The following IL1RAPL1 variants were observed in gnomAD, a reference collection of about 807,000 sequenced individuals.
The protein encoded by IL1RAPL1 is interleukin-1 receptor accessory protein-like 1.
In IL1RAPL1, 3 loss-of-function variants were observed where a neutral mutation model predicts 48.4. That is an observed-to-expected ratio of 0.06 (90% confidence interval 0.03 to 0.16). IL1RAPL1 has a LOEUF of 0.16. Ranked by LOEUF, IL1RAPL1 falls within the 10% of genes least tolerant of loss-of-function variation. The pLI is 1.00. For synonymous variants in IL1RAPL1, 185 were observed against 187.7 expected (o/e 0.99, Z 0.12); for missense variants, 349 against 530.6 (o/e 0.66, Z 3.36).
At chrX:29,100,335 G>A (rs1237628521) in intron 2 of IL1RAPL1, among the ~76,000 whole-genome samples, 1 of 112,237 alleles carries the variant, frequency 8.9e-6, no homozygotes, top group East Asian at 2.8e-4. Flanking sequence ...ACTTCACAAT[G>A]TGGACAGGCA....
At chrX:29,461,955 A>G (rs1309380342) in intron 5 of IL1RAPL1, among the ~76,000 whole-genome samples, 1 of 111,795 alleles carries the variant, frequency 8.9e-6, no homozygotes, top group African/African-American at 3.2e-5. Context: ...ACAAGTATAT[A>G]AGTTTACTGA....
intron 6 of IL1RAPL1, among the ~76,000 whole-genome samples, chrX:29,900,539 A>T (rs1569197832): frequency 8.9e-6 from 1 of 112,232 alleles, no homozygotes; most frequent in East Asian, 2.8e-4. Context: ...TATGTGTTTT[A>T]GAACAGATAC....
Position 29,013,817 on chromosome X carries a change from A to G in IL1RAPL1, c.82+224392A>G, listed in dbSNP as rs141023776. On this transcript the variant is annotated intron_variant, in intron 2 of 10. Transcript: ENST00000378993. ...TGTGCAGCAAACCACCATGGCACACAGTTTACCTATGTAACAAACCTGCAC... is the reference window on the plus strand; with the variant it reads ...TGTGCAGCAAACCACCATGGCACACGGTTTACCTATGTAACAAACCTGCAC... 4.3e-3 allele frequency among the ~76,000 whole-genome samples: 477 copies of G among 110,762 alleles called. 3 individuals carry two copies. Among genetic ancestry groups the G allele is most frequent in the African/African-American group, 0.015 (449 of 30,412 alleles).
At chrX:29,137,070 A>G (rs1489562418) in intron 2 of IL1RAPL1, among the ~76,000 whole-genome samples, 1 of 111,015 alleles carries the variant, frequency 9.0e-6, no homozygotes, top group African/African-American at 3.3e-5. Flanking sequence ...CACATTGCCA[A>G]CTACACACAG....
intron 2 of IL1RAPL1, among the ~76,000 whole-genome samples, chrX:28,902,783 G>A (rs1215630379): frequency 9.0e-6 from 1 of 111,585 alleles, no homozygotes; most frequent in Non-Finnish European, 1.9e-5. Flanking sequence ...TGTGCAGTGG[G>A]TGAGTGAGCA....
chrX:28,944,301 T>C (rs911480777), intron 2 of IL1RAPL1, among the ~76,000 whole-genome samples: 1 of 110,309 alleles, frequency 9.1e-6, no homozygotes, highest in African/African-American at 3.3e-5. Context: ...ATTAGGGTAA[T>C]GATTTGTAAG....
chrX:28,866,838 G>A (rs1434224035), intron 2 of IL1RAPL1, among the ~76,000 whole-genome samples: 1 of 111,758 alleles, frequency 8.9e-6, no homozygotes, highest in African/African-American at 3.3e-5. Context: ...TACAGTAGAT[G>A]TACATATTAT....
chrX:29,268,659 A>G lies in IL1RAPL1; in HGVS notation c.83-14279A>G, dbSNP rs956879127. Among the ~76,000 whole-genome samples the G allele has an allele frequency of 3.6e-5, 4 of 112,263 alleles. No individual in the cohort carries two copies. In the Admixed American group the frequency reaches 3.8e-4, roughly 11 times the overall value. On this transcript the variant is annotated intron_variant, in intron 2 of 10. Coordinates refer to ENST00000378993, the MANE Select transcript of IL1RAPL1 (RefSeq NM_014271.4). ...AAAGTAAGATTTGGGACAAACATCC[A>G]TCTTCCTCATGACAATATGCTGGGA...
intron 6 of IL1RAPL1, among the ~76,000 whole-genome samples, chrX:29,868,715 A>G (rs1931746292): frequency 8.9e-6 from 1 of 112,716 alleles, no homozygotes; most frequent in Non-Finnish European, 1.9e-5. Flanking sequence ...ATATAGATAC[A>G]GCAGCAAATG....
intron 3 of IL1RAPL1, among the ~76,000 whole-genome samples, chrX:29,336,080 G>A (rs1437592389): frequency 5.8e-5 from 6 of 103,296 alleles, no homozygotes; most frequent in African/African-American, 2.1e-4. Flanking sequence ...AAATATATAT[G>A]TATATTATAC....
At chrX:28,769,884 C>T (rs1043620202) in intron 1 of IL1RAPL1, among the ~76,000 whole-genome samples, 2 of 111,844 alleles carry the variant, frequency 1.8e-5, no homozygotes, top group African/African-American at 6.5e-5. Flanking sequence ...TTGTAGTGAT[C>T]TTCTTGTCCA....
intron 5 of IL1RAPL1, among the ~76,000 whole-genome samples, chrX:29,457,060 G>A (rs1383566559): frequency 1.8e-5 from 2 of 110,193 alleles, no homozygotes; most frequent in African/African-American, 6.6e-5. Context: ...CTTGAGCCCA[G>A]GAGATCTAGT....
intron 3 of IL1RAPL1, among the ~76,000 whole-genome samples, chrX:29,320,451 A>C (rs753330130): frequency 4.5e-4 from 50 of 112,148 alleles, no homozygotes; most frequent in African/African-American, 1.6e-3. Flanking sequence ...AATAATCTGA[A>C]ACAAAGCATC....
chrX:29,702,647 C>T (rs1330725021), intron 6 of IL1RAPL1, among the ~76,000 whole-genome samples: 3 of 111,568 alleles, frequency 2.7e-5, no homozygotes, highest in Non-Finnish European at 5.6e-5. Context: ...TTAGACTGGA[C>T]ACTACAGTGC....
intron 3 of IL1RAPL1, among the ~76,000 whole-genome samples, chrX:29,285,830 T>G (rs185708512): frequency 9.0e-6 from 1 of 111,597 alleles, no homozygotes; most frequent in African/African-American, 3.2e-5. Context: ...TCAAAAGTCT[T>G]TACAAACAGC....
chrX:29,704,099 TA>T (rs1927127385), intron 6 of IL1RAPL1, among the ~76,000 whole-genome samples: 1 of 108,586 alleles, frequency 9.2e-6, no homozygotes, highest in Admixed American at 9.8e-5. Flanking sequence ...ATTTTTATTT[TA>T]TTTTTTTTTG....
intron 5 of IL1RAPL1, among the ~76,000 whole-genome samples, chrX:29,452,494 G>T (rs1454075065): frequency 8.9e-6 from 1 of 111,852 alleles, no homozygotes; most frequent in African/African-American, 3.3e-5. Context: ...AGGGGATTTT[G>T]TGACTTATCA....
At chrX:28,660,086 G>GGTGTGT (rs60600833) in intron 1 of IL1RAPL1, among the ~76,000 whole-genome samples, 2,273 of 76,395 alleles carry the variant, frequency 0.03, 54 homozygotes, top group East Asian at 0.083. Context: ...GAGTGAGGAT[G>GGTGTGT]GTGTGTGTGT....
At position 29,248,568 on chromosome X, in the gene IL1RAPL1, A is replaced by G. The variant is rs540626872; in HGVS notation, c.83-34370A>G. Among the ~76,000 whole-genome samples the G allele has an allele frequency of 2.2e-4, 25 of 112,730 alleles. No homozygotes were observed. The South Asian group carries it at 8.7e-3, about 39-fold the overall frequency. ...GACAACTCATAGGAAAGGAAATTCA[A>G]TTGACTTTGAAATATATGAAAATAT... is the stretch of plus-strand genomic sequence containing the variant. On this transcript the variant is annotated intron_variant, in intron 2 of 10. Coordinates refer to ENST00000378993, the MANE Select transcript of IL1RAPL1 (RefSeq NM_014271.4).
Sources: gnomAD v4.1 joint callset for allele counts (sites outside exome capture counted in the v4.1 genomes callset) on GRCh38, gnomAD v4.1.1 for gene constraint, MANE v1.5 for transcripts, NCBI Gene and HGNC (gene_info 2026-07-23, HGNC 2026-07-21) for gene names.